Variants in PEX14 observed in about 807,000 individuals in gnomAD.
PEX14 encodes the protein peroxisomal membrane protein PEX14.
Under a neutral mutation model 49.5 loss-of-function variants are expected in PEX14, and 15 were observed. The observed-to-expected ratio is 0.30, with a 90% CI of 0.20 to 0.47. The LOEUF is 0.47. PEX14 is among the 20% of genes least tolerant of loss of function. PEX14 has a pLI of 1.00. For synonymous variants in PEX14, 210 were observed against 212.7 expected, an observed-to-expected ratio of 0.99 and a Z score of 0.11; for missense variants, 398 against 494.8, an observed-to-expected ratio of 0.80 and a Z score of 1.86.
At chr1:10,478,749 ATTT>A (rs773890718) in intron 1 of PEX14, among the ~76,000 whole-genome samples, 1 of 141,372 alleles carries the variant, frequency 7.1e-6, no homozygotes. Context: ...TGGCTAATGT[ATTT>A]TTTTTTTTTT....
chr1:10,578,571 A>G (rs1352446456), intron 3 of PEX14, among the ~76,000 whole-genome samples: 1 of 152,126 alleles, frequency 6.6e-6, no homozygotes, highest in Non-Finnish European at 1.5e-5. Context: ...AAGAAACAGG[A>G]CCCTGTGACC....
intron 3 of PEX14, among the ~76,000 whole-genome samples, chr1:10,554,826 C>T (rs893478196): frequency 2.0e-5 from 3 of 152,104 alleles, no homozygotes; most frequent in African/African-American, 7.2e-5. Flanking sequence ...GTGATCTTCC[C>T]ATCTCAGCCT....
chr1:10,490,933 G>T (rs1256608651), intron 1 of PEX14, among the ~76,000 whole-genome samples: 2 of 151,478 alleles, frequency 1.3e-5, no homozygotes, highest in African/African-American at 4.9e-5. Flanking sequence ...CGAACTCCTG[G>T]GCCCAAGCGA....
chr1:10,614,047 C>G (rs1428890067), intron 4 of PEX14, among the ~76,000 whole-genome samples: 1 of 152,188 alleles, frequency 6.6e-6, no homozygotes, highest in Non-Finnish European at 1.5e-5. Context: ...GGGTCTGCAC[C>G]AGACTTGGAA....
chr1:10,500,680 C>G (rs1641661943), intron 2 of PEX14, among the ~76,000 whole-genome samples: 1 of 152,100 alleles, frequency 6.6e-6, no homozygotes, highest in Non-Finnish European at 1.5e-5. Flanking sequence ...GTTCAAGTGA[C>G]TCTCTTGCCT....
chr1:10,500,233 T>C (rs915721074), intron 2 of PEX14, among the ~76,000 whole-genome samples: 10 of 146,520 alleles, frequency 6.8e-5, no homozygotes, highest in Admixed American at 6.7e-4. Context: ...CAAAACCCCG[T>C]CTCTACTTAA....
chr1:10,627,399 G>A (rs1036626343), intron 8 of PEX14, 36 bp downstream of exon 8: 6 of 1,439,204 alleles, frequency 4.2e-6, no homozygotes, highest in Non-Finnish European at 5.9e-6. Context: ...TTCTGGTCGG[G>A]CCTGGAAAGG....
At chr1:10,538,976 C>T (rs889277536) in intron 3 of PEX14, among the ~76,000 whole-genome samples, 1 of 152,276 alleles carries the variant, frequency 6.6e-6, no homozygotes, top group South Asian at 2.1e-4. Context: ...ATAAACATCT[C>T]TTTCCTGAAA....
intron 1 of PEX14, among the ~76,000 whole-genome samples, chr1:10,485,086 C>T (rs1303959560): frequency 6.6e-6 from 1 of 151,584 alleles, no homozygotes. Flanking sequence ...AGTCTGTTCC[C>T]CACAGGATTC....
chr1:10,498,279 CTAAAACAAAA>C (rs1450403155), intron 2 of PEX14, among the ~76,000 whole-genome samples: 2 of 116,162 alleles, frequency 1.7e-5, no homozygotes, highest in East Asian at 4.7e-4. Flanking sequence ...GGCCCTGTCT[CTAAAACAAAA>C]CAAAACAAAA....
chr1:10,481,274 A>G (rs776837806), intron 1 of PEX14, among the ~76,000 whole-genome samples: 13 of 151,868 alleles, frequency 8.6e-5, no homozygotes, highest in Non-Finnish European at 1.8e-4. Flanking sequence ...AGTAGCTGGA[A>G]TTACAGGTGC....
intron 3 of PEX14, among the ~76,000 whole-genome samples, chr1:10,566,779 A>G (rs1261362922): frequency 1.3e-5 from 2 of 152,034 alleles, no homozygotes; most frequent in Non-Finnish European, 2.9e-5. Flanking sequence ...GGCCTCCCAA[A>G]GTGCTGGGAT....
intron 4 of PEX14, among the ~76,000 whole-genome samples, chr1:10,610,029 T>C (rs1301773646): frequency 3.4e-5 from 5 of 148,968 alleles, no homozygotes; most frequent in African/African-American, 1.2e-4. Flanking sequence ...TGTATTGATA[T>C]ATAAATACAT....
intron 3 of PEX14, among the ~76,000 whole-genome samples, chr1:10,569,858 C>G (rs1639919338): frequency 6.6e-6 from 1 of 152,122 alleles, no homozygotes; most frequent in Non-Finnish European, 1.5e-5. Flanking sequence ...CTGTTTATTT[C>G]CCTCTGAAAG....
rs188997414 is a variant in PEX14 at position 10,479,285 on chromosome 1, G to C, written c.36+4283G>C. On this transcript the variant is annotated intron_variant, in intron 1 of 8. Coordinates refer to ENST00000356607, the MANE Select transcript of PEX14 (RefSeq NM_004565.3). ...CCAGCTACTTTGGAGGCTGAGGTGA[G>C]AGCATCACTTGGGCCTGGGAGGTTG... 2.6e-5 allele frequency among the ~76,000 whole-genome samples: 4 copies of C among 152,266 alleles called. No individual in the cohort carries two copies. In the East Asian group the frequency reaches 7.8e-4, roughly 30 times the overall value.
chr1:10,526,225 T>TTC (rs1638478214), intron 2 of PEX14, among the ~76,000 whole-genome samples: 1 of 150,016 alleles, frequency 6.7e-6, no homozygotes, highest in Non-Finnish European at 1.5e-5. Context: ...CGGCTGATTT[T>TTC]TTTTTTTTTT....
chr1:10,560,865 A>C (rs966484900), intron 3 of PEX14, among the ~76,000 whole-genome samples: 5 of 151,160 alleles, frequency 3.3e-5, no homozygotes, highest in Admixed American at 2.0e-4. Flanking sequence ...TTATAGGCGC[A>C]CACCACCACG....
chr1:10,533,889 G>A (rs1423496328), intron 2 of PEX14, among the ~76,000 whole-genome samples: 1 of 152,162 alleles, frequency 6.6e-6, no homozygotes, highest in East Asian at 1.9e-4. Flanking sequence ...TTGATGGAAT[G>A]CGCCAAGCAC....
intron 3 of PEX14, among the ~76,000 whole-genome samples, chr1:10,590,897 C>A (rs1640644407): frequency 6.6e-6 from 1 of 152,180 alleles, no homozygotes; most frequent in Non-Finnish European, 1.5e-5. Context: ...CTTCTGATCA[C>A]ATATTTAAGA....
Sources: allele counts gnomAD v4.1 joint callset (sites outside exome capture counted in the v4.1 genomes callset), GRCh38; gene constraint gnomAD v4.1.1; transcripts MANE v1.5; gene names NCBI Gene and HGNC (gene_info 2026-07-23, HGNC 2026-07-21).